Variants in PTPRK observed in about 807,000 individuals in gnomAD.
PTPRK encodes the protein protein tyrosine phosphatase receptor type K, also known as receptor-type tyrosine-protein phosphatase kappa.
PTPRK carries 75 observed loss-of-function variants against 178.0 expected under a neutral mutation model. The observed-to-expected ratio is 0.42, with a 90% CI of 0.35 to 0.51. The LOEUF (loss-of-function observed/expected upper bound fraction) is 0.51, where lower values mean the gene tolerates loss of function less well. PTPRK is among the 20% of genes least tolerant of loss of function. The probability of loss-of-function intolerance (pLI) is 0.02; values close to 1 mark genes in which losing one functional copy is unlikely to be tolerated. For missense variants in PTPRK, 1,441 were observed against 1,797.8 expected, an observed-to-expected ratio of 0.80 and a Z score of 3.59; for synonymous variants, 637 against 620.6, an observed-to-expected ratio of 1.03 and a Z score of -0.39.
chr6:128,480,415 T>C (rs2128423500), intron 1 of PTPRK, among the ~76,000 whole-genome samples: 1 of 152,262 alleles, frequency 6.6e-6, no homozygotes, highest in African/African-American at 2.4e-5. Context: ...TATTTGTGAC[T>C]CTTTCTCTTC....
At chr6:128,247,003 G>T (rs1815579192) in intron 3 of PTPRK, among the ~76,000 whole-genome samples, 1 of 152,180 alleles carries the variant, frequency 6.6e-6, no homozygotes, top group African/African-American at 2.4e-5. Flanking sequence ...TCCACAGGAA[G>T]TGTCTCCTAT....
intron 1 of PTPRK, among the ~76,000 whole-genome samples, chr6:128,426,429 T>C (rs1474494024): frequency 6.6e-6 from 1 of 152,198 alleles, no homozygotes; most frequent in African/African-American, 2.4e-5. Context: ...TCAATCCTTA[T>C]AATCCCTTTG....
intron 1 of PTPRK, among the ~76,000 whole-genome samples, chr6:128,433,394 G>A (rs1845092181): frequency 6.6e-6 from 1 of 152,052 alleles, no homozygotes; most frequent in East Asian, 1.9e-4. Context: ...TTCTGTGCCT[G>A]GCATATTTCA....
intron 7 of PTPRK, among the ~76,000 whole-genome samples, chr6:128,120,473 C>G (rs1792281202): frequency 6.6e-6 from 1 of 151,980 alleles, no homozygotes. Context: ...ACAGCATACA[C>G]ACTGCCACAT....
chr6:128,062,807 T>C (rs1463098141), intron 13 of PTPRK: 1 of 152,130 alleles, frequency 6.6e-6, no homozygotes, highest in African/African-American at 2.4e-5. Context: ...GCCTCCCAAG[T>C]ACCTGGGACC....
chr6:128,284,048 C>T (rs1364660605), intron 3 of PTPRK, among the ~76,000 whole-genome samples: 2 of 152,126 alleles, frequency 1.3e-5, no homozygotes, highest in African/African-American at 2.4e-5. Flanking sequence ...AAACTGGATA[C>T]AGCTCAAACT....
intron 10 of PTPRK, among the ~76,000 whole-genome samples, chr6:128,081,480 T>C (rs1361404979): frequency 1.3e-5 from 2 of 151,976 alleles, no homozygotes; most frequent in Non-Finnish European, 2.9e-5. Flanking sequence ...AAAGTACATG[T>C]CTTCCTTTTA....
chr6:128,313,627 T>C (rs1415828597), intron 3 of PTPRK, among the ~76,000 whole-genome samples: 1 of 152,206 alleles, frequency 6.6e-6, no homozygotes, highest in Non-Finnish European at 1.5e-5. Context: ...ATTAGAGTAG[T>C]TGCCTGAGGC....
chr6:127,992,994 G>A (rs1562396799), intron 18 of PTPRK, among the ~76,000 whole-genome samples: 1 of 151,706 alleles, frequency 6.6e-6, no homozygotes, highest in East Asian at 1.9e-4. Flanking sequence ...TCACTAAAAT[G>A]TTTATGCCTT....
intron 5 of PTPRK, among the ~76,000 whole-genome samples, chr6:128,221,896 T>C (rs1190751819): frequency 6.6e-6 from 1 of 152,018 alleles, no homozygotes; most frequent in Non-Finnish European, 1.5e-5. Flanking sequence ...AAAAAAATTA[T>C]ACATGCAAAC....
intron 7 of PTPRK, among the ~76,000 whole-genome samples, chr6:128,132,712 T>G (rs1794442060): frequency 6.6e-6 from 1 of 152,208 alleles, no homozygotes; most frequent in African/African-American, 2.4e-5. Flanking sequence ...CATAATATCC[T>G]CCACAAAATT....
rs561152257 is a variant in PTPRK at position 128,094,058 on chromosome 6, C to T, written c.1163-4066G>A. 7.1e-4 allele frequency among the ~76,000 whole-genome samples: 108 copies of T among 152,000 alleles called. No individual in the cohort carries two copies. In the South Asian group the frequency reaches 8.8e-3, roughly 12 times the overall value. ...TAAATAATACAAAAAATGGAAGAAA[C>T]GAGTTGAATAAAAACGTAGAACACA... On this transcript the variant is annotated intron_variant, in intron 7 of 29. Transcript: ENST00000368226.
chr6:128,312,988 T>C (rs1827462885), intron 3 of PTPRK, among the ~76,000 whole-genome samples: 1 of 152,138 alleles, frequency 6.6e-6, no homozygotes, highest in African/African-American at 2.4e-5. Context: ...CCTGAGAAAG[T>C]GTATGCATAT....
intron 3 of PTPRK, among the ~76,000 whole-genome samples, chr6:128,269,104 G>A (rs1376100083): frequency 2.0e-5 from 3 of 151,846 alleles, no homozygotes; most frequent in African/African-American, 7.3e-5. Context: ...ACAACACATA[G>A]CATAAATCAA....
intron 1 of PTPRK, among the ~76,000 whole-genome samples, chr6:128,405,725 T>G (rs1441962709): frequency 6.6e-6 from 1 of 152,144 alleles, no homozygotes; most frequent in Non-Finnish European, 1.5e-5. Flanking sequence ...TGCTCCTGAC[T>G]TAGCTCAAGC....
At chr6:128,411,029 C>A (rs1022886146) in intron 1 of PTPRK, among the ~76,000 whole-genome samples, 1 of 152,124 alleles carries the variant, frequency 6.6e-6, no homozygotes, top group Admixed American at 6.5e-5. Flanking sequence ...GTACCTGGGA[C>A]TATAGGTGCA....
rs545309076 is a variant in PTPRK at position 128,429,840 on chromosome 6, TAGAC to T, written c.101-32156_101-32153del. ...TGAGAGACTTACAAAAAAGATCAAA[TAGAC>T]AGAGAACATCAACCATAATGAGATA... On this transcript the variant is annotated intron_variant, in intron 1 of 29. Coordinates refer to ENST00000368226, the MANE Select transcript of PTPRK (RefSeq NM_002844.4). Among the ~76,000 whole-genome samples the T allele has an allele frequency of 2.3e-4, 35 of 152,270 alleles. No individual in the cohort carries two copies. In the Middle Eastern group the frequency reaches 0.01, roughly 44 times the overall value.
intron 7 of PTPRK, among the ~76,000 whole-genome samples, chr6:128,182,558 A>G (rs566267842): frequency 6.6e-6 from 1 of 152,140 alleles, no homozygotes; most frequent in Non-Finnish European, 1.5e-5. Flanking sequence ...TGGACAATAG[A>G]GCAAGACAAA....
chr6:128,153,973 T>C (rs1797634857), intron 7 of PTPRK, among the ~76,000 whole-genome samples: 1 of 151,804 alleles, frequency 6.6e-6, no homozygotes, highest in Admixed American at 6.6e-5. Flanking sequence ...CCACAAATAC[T>C]GTCAATAATA....
Sources: allele counts gnomAD v4.1 joint callset (sites outside exome capture counted in the v4.1 genomes callset), GRCh38; gene constraint gnomAD v4.1.1; transcripts MANE v1.5; gene names NCBI Gene and HGNC (gene_info 2026-07-23, HGNC 2026-07-21).